Variants in PSD4 observed in about 807,000 individuals in gnomAD.
The protein encoded by PSD4 is PH and SEC7 domain-containing protein 4.
In PSD4, 59 loss-of-function variants were observed where a neutral mutation model predicts 112.5. That is an observed-to-expected ratio of 0.52 (90% CI 0.43 to 0.65). PSD4 has a LOEUF of 0.65. Among genes scored for constraint, PSD4 ranks in the 30% least tolerant of loss-of-function variants. PSD4 has a pLI of 0.00. For synonymous variants in PSD4, 533 were observed against 540.0 expected, an observed-to-expected ratio of 0.99 and a Z score of 0.18; for missense variants, 1,267 against 1,352.6, an observed-to-expected ratio of 0.94 and a Z score of 0.99.
At chr2:113,194,478 C>A (rs1018422051) in intron 10 of PSD4, among the ~76,000 whole-genome samples, 2 of 152,234 alleles carry the variant, frequency 1.3e-5, no homozygotes, top group East Asian at 3.8e-4. Flanking sequence ...CAATTAAAAT[C>A]ATTTGCTGTT....
chr2:113,182,707 T>G lies in PSD4; in HGVS notation c.251T>G (p.Leu84Arg), dbSNP rs1688177499. Residue 84 changes from leucine to arginine, a missense_variant, in exon 2 of 17, where the codon CTG becomes CGG. This residue lies in a region of PSD4 where 723 missense variants were observed against 704.0 expected (regional missense o/e 1.03). Coordinates refer to ENST00000245796, the MANE Select transcript of PSD4 (RefSeq NM_012455.3). ...HLGSWVHQDGLEPCQEQTRAT... is the reference protein window; with the variant it reads ...HLGSWVHQDGREPCQEQTRAT... ...GGGAGCTGGGTCCATCAGGACGGGC[T>G]GGAGCCTTGCCAGGAGCAAACCCGG... 6.2e-7 allele frequency: 1 copy of G among 1,604,288 alleles called. No individual in the cohort carries two copies. Among genetic ancestry groups the G allele is most frequent in the East Asian group, 2.2e-5 (1 of 44,628 alleles).
At chr2:113,199,339 C>T in intron 16 of PSD4, 113 bp downstream of exon 16, 1 of 1,236,872 alleles carries the variant, frequency 8.1e-7, no homozygotes, top group Non-Finnish European at 1.0e-6. Context: ...CGGGGAGAGG[C>T]GCTTGCGTGC....
intron 1 of PSD4, among the ~76,000 whole-genome samples, chr2:113,176,790 T>A (rs527437569): frequency 6.6e-6 from 1 of 152,356 alleles, no homozygotes; most frequent in East Asian, 1.9e-4. Context: ...ACCTGGGCTC[T>A]GCTGCCCAGT....
chr2:113,198,032 A>T (rs961332687), intron 14 of PSD4, 119 bp downstream of exon 14: 1 of 1,191,736 alleles, frequency 8.4e-7, no homozygotes, highest in Admixed American at 3.3e-5. Flanking sequence ...GAATGGCCGT[A>T]TGATCAGAAA....
chr2:113,182,510 C>A lies in PSD4; in HGVS notation c.54C>A (p.Asn18Lys). ...ACCCCCAGCCCATGGAAATTCTCAACCTGTACTTGGGAGACAGCCTGGAGC... is the reference window on the plus strand; with the variant it reads ...ACCCCCAGCCCATGGAAATTCTCAAACTGTACTTGGGAGACAGCCTGGAGC... ...PDHPQPMEIL[N>K]LYLGDSLEPH... Residue 18 changes from asparagine to lysine, a missense_variant, in exon 2 of 17, where the codon AAC becomes AAA. Physicochemically the swap from Asn to Lys is moderately conservative, Grantham distance 94. Coordinates refer to ENST00000245796, the MANE Select transcript of PSD4 (RefSeq NM_012455.3). The A allele has an allele frequency of 6.2e-7, 1 of 1,614,150 alleles. No homozygotes were observed. The highest frequency in any genetic ancestry group is 2.2e-5 in the East Asian group (1 of 44,878).
At chr2:113,181,439 G>A (rs1003419088) in intron 1 of PSD4, among the ~76,000 whole-genome samples, 3 of 152,156 alleles carry the variant, frequency 2.0e-5, no homozygotes, top group Non-Finnish European at 2.9e-5. Flanking sequence ...GCTGCATGCA[G>A]GGGATGGAAA....
At chr2:113,197,076 T>G in intron 12 of PSD4, 2 of 207,918 alleles carry the variant, frequency 9.6e-6, no homozygotes, top group Non-Finnish European at 2.0e-5. Flanking sequence ...AAGACCAGGG[T>G]GGAGAGGTAG....
intron 6 of PSD4, 56 bp from the exon 7 acceptor site, chr2:113,192,992 C>A: frequency 6.4e-7 from 1 of 1,555,956 alleles, no homozygotes; most frequent in South Asian, 1.1e-5. Flanking sequence ...CCCAGTGCAT[C>A]TGCAGCCCCA....
rs761630676 is a variant in PSD4, at chr2:113,201,432, G to C, written c.*17G>C. 3.1e-6 allele frequency: 5 copies of C among 1,612,040 alleles called. No homozygotes were observed. The South Asian group carries it at 4.4e-5, about 14-fold the overall frequency. On this transcript the variant is annotated 3_prime_UTR_variant, in exon 17 of 17. Transcript: ENST00000245796. ...CAGCTGTGAAGCCAGCACCACCTCAGAGACACTGTTCCCTGCTCCAGGGTA... is the reference window on the plus strand; with the variant it reads ...CAGCTGTGAAGCCAGCACCACCTCACAGACACTGTTCCCTGCTCCAGGGTA...
At chr2:113,180,171 G>A (rs887611826) in intron 1 of PSD4, among the ~76,000 whole-genome samples, 3 of 152,150 alleles carry the variant, frequency 2.0e-5, no homozygotes, top group Non-Finnish European at 4.4e-5. Context: ...GTGAGAGAGC[G>A]CTGAGGGTTA....
At chr2:113,189,071 A>C (rs1688382230) in intron 5 of PSD4, among the ~76,000 whole-genome samples, 1 of 151,496 alleles carries the variant, frequency 6.6e-6, no homozygotes, top group Non-Finnish European at 1.5e-5. Flanking sequence ...TTCACCCTTT[A>C]CCCCTGAGTC....
Position 113,195,781 on chromosome 2 carries a change from C to T in PSD4, c.2225+11C>T. The T allele has an allele frequency of 1.2e-6, 2 of 1,614,134 alleles. No homozygotes were observed. The highest frequency in any genetic ancestry group is 8.5e-7 in the Non-Finnish European group (1 of 1,180,020). The stretch of plus-strand genomic sequence containing the variant: ...GCTCGAGTGGGCCGTGTGAGTGAGA[C>T]TCCCTTTCCCCTCTCCCTCTCACCC... On this transcript the variant is annotated intron_variant, in intron 11 of 16. Coordinates refer to ENST00000245796, the MANE Select transcript of PSD4 (RefSeq NM_012455.3).
chr2:113,193,703 G>A lies in PSD4; in HGVS notation c.2091+53G>A, dbSNP rs922726915. 1.8e-5 allele frequency: 28 copies of A among 1,585,660 alleles called. No individual in the cohort carries two copies. In the Middle Eastern group the frequency reaches 5.0e-4, roughly 29 times the overall value. Reference sequence around the variant, plus strand: ...GAACTGAGGCTGTAACAAGGGGTGCGGGGAGGAGAAGACCAGAGGCCTGAG... The same window carrying A: ...GAACTGAGGCTGTAACAAGGGGTGCAGGGAGGAGAAGACCAGAGGCCTGAG... On this transcript the variant is annotated intron_variant, in intron 9 of 16. Coordinates refer to ENST00000245796, the MANE Select transcript of PSD4 (RefSeq NM_012455.3).
At chr2:113,192,918 C>A in intron 6 of PSD4, 130 bp from the exon 7 acceptor site, 1 of 875,636 alleles carries the variant, frequency 1.1e-6, no homozygotes. Context: ...GGACCCAAGG[C>A]CCAGCGTGCC....
intron 1 of PSD4, among the ~76,000 whole-genome samples, 160 bp from the exon 2 acceptor site, chr2:113,182,186 T>A (rs4849166): frequency 0.49 from 74,216 of 152,002 alleles, 18,596 homozygotes; most frequent in East Asian, 0.62. Flanking sequence ...AGATGGAATA[T>A]GTGGTACACT....
intron 12 of PSD4, chr2:113,196,590 G>T: frequency 2.9e-6 from 1 of 341,396 alleles, no homozygotes; most frequent in Non-Finnish European, 5.4e-6. Context: ...CAATGTCTGC[G>T]AAAAAAATGT....
At chr2:113,177,009 AAC>A in intron 1 of PSD4, among the ~76,000 whole-genome samples, 1 of 152,366 alleles carries the variant, frequency 6.6e-6, no homozygotes, top group South Asian at 2.1e-4. Flanking sequence ...ACATCTTTTA[AAC>A]ACACAGTTAC....
chr2:113,182,660 CGG>C lies in PSD4; in HGVS notation c.205_206del (p.Gly69CysfsTer26), dbSNP rs1558886784. The stretch of plus-strand genomic sequence containing the variant: ...GACAAAATGTTCCTCCCTGGGGCTC[CGG>C]TGTGGAGCTCACACACCTGGGGAGC... The part of the protein sequence containing the change: ...TRQNVPPWGS[G>X]VELTHLGSWV... On this transcript the variant is annotated frameshift_variant, in exon 2 of 17. Transcript: ENST00000245796. LOFTEE classifies it high-confidence loss of function. The C allele has an allele frequency of 6.2e-7, 1 of 1,613,582 alleles. No individual in the cohort carries two copies.
chr2:113,197,370 G>A, intron 12 of PSD4, 194 bp from the exon 13 acceptor site: 2 of 653,486 alleles, frequency 3.1e-6, no homozygotes, highest in South Asian at 1.8e-5. Flanking sequence ...TTGCCTGTGT[G>A]TGGAGAGACT....
Sources: allele counts gnomAD v4.1 joint callset (sites outside exome capture counted in the v4.1 genomes callset), GRCh38; gene constraint gnomAD v4.1.1; regional missense constraint gnomAD v4.1.1; transcripts MANE v1.5; gene names NCBI Gene and HGNC (gene_info 2026-07-23, HGNC 2026-07-21).